Variants in ZFAT observed in about 807,000 individuals in gnomAD.
ZFAT encodes zinc finger and AT-hook domain containing, also known as zinc finger protein ZFAT.
ZFAT carries 64 observed loss-of-function variants against 117.7 expected under a neutral mutation model. The observed-to-expected ratio is 0.54, with a 90% confidence interval of 0.44 to 0.67. ZFAT has a LOEUF of 0.67. Among genes scored for constraint, ZFAT ranks in the 30% least tolerant of loss-of-function variants. The probability of loss-of-function intolerance (pLI) is 0.00; values close to 1 mark genes in which losing one functional copy is unlikely to be tolerated. For synonymous variants in ZFAT, 679 were observed against 615.0 expected, an observed-to-expected ratio of 1.10 and a Z score of -1.54; for missense variants, 1,433 against 1,584.5, an observed-to-expected ratio of 0.90 and a Z score of 1.62.
chr8:134,737,066 A>G, the ZFAT span, among the ~76,000 whole-genome samples: 3 of 152,186 alleles, frequency 2.0e-5, no homozygotes, highest in Non-Finnish European at 4.4e-5. Flanking sequence ...AGATCACCTG[A>G]GGTCAGGTGT....
chr8:134,637,741 A>G (rs966273280), intron 2 of ZFAT, 29 bp from the exon 3 acceptor site: 1 of 1,603,692 alleles, frequency 6.2e-7, no homozygotes, highest in African/African-American at 1.3e-5. Flanking sequence ...GGCACAATGG[A>G]ATCACGTGAG....
the ZFAT span, among the ~76,000 whole-genome samples, chr8:134,742,698 C>G: frequency 2.0e-4 from 30 of 152,350 alleles, no homozygotes; most frequent in Admixed American, 9.1e-4. Flanking sequence ...CTCTGGCCCC[C>G]TGTGCTCCCT....
the ZFAT span, among the ~76,000 whole-genome samples, chr8:134,726,842 C>G: frequency 2.0e-5 from 3 of 151,982 alleles, no homozygotes; most frequent in Admixed American, 2.0e-4. Context: ...CTCCTGAGCT[C>G]AAGCAATCCA....
chr8:134,736,162 C>T, the ZFAT span, among the ~76,000 whole-genome samples: 8 of 152,048 alleles, frequency 5.3e-5, no homozygotes, highest in African/African-American at 1.9e-4. Flanking sequence ...CAGCCATGGG[C>T]CCCAGTTACT....
the ZFAT span, among the ~76,000 whole-genome samples, chr8:134,777,618 G>T: frequency 6.6e-6 from 1 of 152,166 alleles, no homozygotes; most frequent in Non-Finnish European, 1.5e-5. Flanking sequence ...CTATTTAAAT[G>T]CAAGTTCTGT....
At chr8:134,488,058 C>T (rs781481283) in intron 15 of ZFAT, among the ~76,000 whole-genome samples, 3 of 152,160 alleles carry the variant, frequency 2.0e-5, no homozygotes, top group Non-Finnish European at 2.9e-5. Context: ...AGTTAGAGAG[C>T]GAATGAATGC....
rs114148039 is a variant in ZFAT at position 134,600,835 on chromosome 8, G to A, written c.2243-167C>T. On this transcript the variant is annotated intron_variant, in intron 6 of 15. Coordinates refer to ENST00000377838, the MANE Select transcript of ZFAT (RefSeq NM_020863.4). ...TTCTGTCTGAAAATTACTCTTCAAA[G>A]GTGGGAGGTTGCAAATATTAAGGGT... The A allele has an allele frequency of 5.1e-4, 322 of 627,722 alleles. No homozygotes were observed. In the African/African-American group the frequency reaches 5.2e-3, roughly 10 times the overall value. The allele number at this position is 627,722 out of a possible 1,614,324, so 38.9% of individuals were successfully genotyped here.
intron 1 of ZFAT, among the ~76,000 whole-genome samples, chr8:134,686,492 T>C (rs1265839480): frequency 6.6e-6 from 1 of 152,148 alleles, no homozygotes; most frequent in East Asian, 1.9e-4. Context: ...TCTACATGTA[T>C]GTTACACGTT....
chr8:134,693,202 C>T (rs1020001163), intron 1 of ZFAT, among the ~76,000 whole-genome samples: 1 of 152,160 alleles, frequency 6.6e-6, no homozygotes, highest in African/African-American at 2.4e-5. Flanking sequence ...AACCAGGTCT[C>T]CTTGTAGAAA....
chr8:134,549,775 T>C (rs1396574999), intron 11 of ZFAT, among the ~76,000 whole-genome samples: 4 of 152,176 alleles, frequency 2.6e-5, no homozygotes, highest in Non-Finnish European at 5.9e-5. Context: ...GAACCACATG[T>C]ACACAGGACA....
chr8:134,570,261 TG>T (rs1824794667), intron 10 of ZFAT, among the ~76,000 whole-genome samples: 1 of 152,238 alleles, frequency 6.6e-6, no homozygotes, highest in Non-Finnish European at 1.5e-5. Flanking sequence ...AATCAGTCCC[TG>T]TGCCCCTTTA....
intron 7 of ZFAT, among the ~76,000 whole-genome samples, chr8:134,592,463 T>C (rs1826578668): frequency 6.6e-6 from 1 of 152,160 alleles, no homozygotes; most frequent in African/African-American, 2.4e-5. Context: ...CAAATCTTGG[T>C]TTTGCCCCTT....
chr8:134,658,350 A>AAAAAAAAAAG (rs1831748849), intron 1 of ZFAT, among the ~76,000 whole-genome samples: 1 of 151,244 alleles, frequency 6.6e-6, no homozygotes, highest in Non-Finnish European at 1.5e-5. Context: ...AAAAAAAAAA[A>AAAAAAAAAAG]TTTGCAACTT....
intron 14 of ZFAT, chr8:134,510,211 T>C (rs954845146): frequency 8.9e-6 from 4 of 450,048 alleles, no homozygotes; most frequent in African/African-American, 8.0e-5. Flanking sequence ...GATGTATCAA[T>C]TATTCAACGA....
At chr8:134,680,160 G>A (rs909929619) in intron 1 of ZFAT, among the ~76,000 whole-genome samples, 45 of 151,556 alleles carry the variant, frequency 3.0e-4, no homozygotes, top group African/African-American at 1.1e-3. Flanking sequence ...TACTTGGGAG[G>A]CTGAGGCAGG....
chr8:134,800,632 C>T, the ZFAT span: 2 of 484,982 alleles, frequency 4.1e-6, no homozygotes. Flanking sequence ...AAACTCTTTA[C>T]TAAGTTTGTA....
Position 134,478,595 on chromosome 8 carries a change from T to C in ZFAT, c.3619A>G (p.Thr1207Ala), listed in dbSNP as rs1817048856. The change falls in exon 16 of 16, where the codon ACG becomes GCG. Residue 1207 changes from threonine (T) to alanine (A), a missense_variant. Physicochemically the swap from Thr to Ala is moderately conservative, Grantham distance 58. Around this residue, in one of 5 missense-constraint regions of ZFAT, gnomAD observed 503 missense variants for 543.4 expected, o/e 0.93. Transcript: ENST00000377838. The surrounding 1 kb of genome is among the most constrained non-coding windows in gnomAD (Gnocchi z 5.2). ...VSSDDVEGIE[T>A]VTVYTQGGEA... Reference sequence around the variant, plus strand: ...CCGCCCTGCGTGTAGACAGTCACCGTCTCAATGCCCTCCACGTCGTCGGAG... The same window carrying C: ...CCGCCCTGCGTGTAGACAGTCACCGCCTCAATGCCCTCCACGTCGTCGGAG... 6.3e-7 allele frequency: 1 copy of C among 1,593,430 alleles called. No individual in the cohort carries two copies. Among genetic ancestry groups the C allele is most frequent in the Non-Finnish European group, 8.5e-7 (1 of 1,170,412 alleles).
chr8:134,517,540 G>A lies in ZFAT; in HGVS notation c.3234+3343C>T, dbSNP rs76840466. On this transcript the variant is annotated intron_variant, in intron 13 of 15. Transcript: ENST00000377838. Reference sequence around the variant, plus strand: ...GCCTCCCCTAATCTTAACATCTTTCGTAATCATGGCGCAATGATCAAAACA... The same window carrying A: ...GCCTCCCCTAATCTTAACATCTTTCATAATCATGGCGCAATGATCAAAACA... 3.7e-4 allele frequency among the ~76,000 whole-genome samples: 57 copies of A among 152,216 alleles called. 1 individual carries two copies. The East Asian group carries it at 8.1e-3, about 22-fold the overall frequency.
chr8:134,478,288 C>G lies in ZFAT; in HGVS notation c.*194G>C. 1 of 689,928 alleles carries G rather than the reference C, an allele frequency of 1.4e-6. No individual in the cohort carries two copies. Among genetic ancestry groups the G allele is most frequent in the South Asian group, 1.9e-5 (1 of 52,406 alleles). 42.7% of individuals were successfully genotyped at this position (689,928 alleles called of 1,614,324 possible). On this transcript the variant is annotated 3_prime_UTR_variant, in exon 16 of 16. Transcript: ENST00000377838. This position sits in a 1 kb window ranked among gnomAD's most constrained non-coding sequence, Gnocchi z 5.2. The stretch of plus-strand genomic sequence containing the variant: ...TGTGTGTCTATGCTGGGGTGAGGGT[C>G]CTGTGGTATTGCTGGTGATGCTGAC...
Sources: allele counts gnomAD v4.1 joint callset (sites outside exome capture counted in the v4.1 genomes callset), GRCh38; gene constraint gnomAD v4.1.1; regional missense constraint gnomAD v4.1.1; non-coding constraint Gnocchi (gnomAD v3.1); transcripts MANE v1.5; gene names NCBI Gene and HGNC (gene_info 2026-07-23, HGNC 2026-07-21).